Variants in DNAJC6 observed in about 807,000 individuals in gnomAD.
DNAJC6 encodes the protein auxilin.
A neutral mutation model predicts 110.0 loss-of-function variants in DNAJC6; 34 were observed. That is an observed-to-expected ratio of 0.31 (90% CI 0.24 to 0.41). DNAJC6 has a LOEUF of 0.41. Among genes scored for constraint, DNAJC6 ranks in the 10% least tolerant of loss-of-function variants. The probability of loss-of-function intolerance (pLI) is 1.00; values close to 1 mark genes in which losing one functional copy is unlikely to be tolerated. For missense variants in DNAJC6, 1,031 were observed against 1,207.8 expected, an observed-to-expected ratio of 0.85 and a Z score of 2.17; for synonymous variants, 406 against 437.2, an observed-to-expected ratio of 0.93 and a Z score of 0.89.
At chr1:65,349,103 AATAAATATGTAAATATATATATAT>A (rs1447205520) in intron 1 of DNAJC6, among the ~76,000 whole-genome samples, 18 of 107,544 alleles carry the variant, frequency 1.7e-4, no homozygotes, top group East Asian at 5.1e-4. Context: ...TATATATATA[AATAAATATGTAAATATATATATAT>A]AAATATATAT....
intron 1 of DNAJC6, among the ~76,000 whole-genome samples, chr1:65,284,385 G>A (rs74424353): frequency 0.027 from 4,185 of 152,286 alleles, 184 homozygotes; most frequent in African/African-American, 0.088. Context: ...GCTCCCCAGG[G>A]TAGGGATTTA....
intron 1 of DNAJC6, chr1:65,279,270 A>G: frequency 3.0e-6 from 2 of 661,098 alleles, no homozygotes. Flanking sequence ...TGTGAGATAA[A>G]TGGGAAAATC....
At chr1:65,357,835 T>C (rs997630357) in intron 1 of DNAJC6, among the ~76,000 whole-genome samples, 5 of 152,184 alleles carry the variant, frequency 3.3e-5, no homozygotes, top group Admixed American at 2.6e-4. Context: ...CAAACTTGAA[T>C]AGCATAGCAC....
chr1:65,301,744 C>T (rs1355694069), intron 1 of DNAJC6, among the ~76,000 whole-genome samples: 2 of 152,108 alleles, frequency 1.3e-5, no homozygotes, highest in South Asian at 4.2e-4. Context: ...TGTATGAAGA[C>T]TTCATTGGGT....
At chr1:65,305,912 A>G (rs1645032755), upstream of DNAJC6, among the ~76,000 whole-genome samples, 2 of 152,296 alleles carry the variant, frequency 1.3e-5, no homozygotes, top group South Asian at 4.1e-4. Context: ...AGCACTTATT[A>G]TATGTTAGGA....
chr1:65,393,581 T>C (rs551999193), intron 12 of DNAJC6, among the ~76,000 whole-genome samples: 11 of 152,292 alleles, frequency 7.2e-5, no homozygotes, highest in African/African-American at 2.6e-4. Flanking sequence ...GAGGCTCTGT[T>C]AGTTTCACTG....
chr1:65,411,853 C>T (rs1224429089), intron 18 of DNAJC6, among the ~76,000 whole-genome samples: 1 of 152,102 alleles, frequency 6.6e-6, no homozygotes, highest in African/African-American at 2.4e-5. Context: ...AGCCTGTAGT[C>T]TTAGCCACTC....
chr1:65,391,253 GAA>G (rs1399055397), intron 11 of DNAJC6, among the ~76,000 whole-genome samples: 1 of 152,124 alleles, frequency 6.6e-6, no homozygotes, highest in African/African-American at 2.4e-5. Context: ...TCCACCAACT[GAA>G]TTCATGCCAA....
intron 1 of DNAJC6, among the ~76,000 whole-genome samples, chr1:65,295,016 A>T (rs1489938677): frequency 1.3e-5 from 2 of 152,260 alleles, no homozygotes; most frequent in Non-Finnish European, 2.9e-5. Flanking sequence ...TATGTGTTAT[A>T]GAGAAGTAGG....
At chr1:65,303,511 T>G (rs1645008861) in intron 1 of DNAJC6, among the ~76,000 whole-genome samples, 1 of 152,294 alleles carries the variant, frequency 6.6e-6, no homozygotes, top group African/African-American at 2.4e-5. Context: ...ATGCAGTATT[T>G]AGGGCTTTAG....
At chr1:65,278,569 T>G (rs566226) in intron 1 of DNAJC6, among the ~76,000 whole-genome samples, 119,448 of 152,146 alleles carry the variant, frequency 0.79, 47,170 homozygotes, top group East Asian at 1. Flanking sequence ...TTAAACCAGT[T>G]TGTGAAAATT....
chr1:65,337,946 A>G (rs1645353354), intron 1 of DNAJC6, among the ~76,000 whole-genome samples: 1 of 152,176 alleles, frequency 6.6e-6, no homozygotes, highest in Admixed American at 6.5e-5. Flanking sequence ...GAATGCTTCT[A>G]ACACACTCAA....
chr1:65,288,503 C>G (rs1172817478), intron 1 of DNAJC6, among the ~76,000 whole-genome samples: 1 of 152,172 alleles, frequency 6.6e-6, no homozygotes, highest in African/African-American at 2.4e-5. Context: ...CAGAATCCTA[C>G]ATAATGATTT....
At position 65,401,559 on chromosome 1, in the gene DNAJC6, A is replaced by G. The variant is rs151302085; in HGVS notation, c.2108-202A>G. ...TTCACACTTGTGGCCTGGAAACAGC[A>G]TTTGTCTTTTCTGTGGTCTGTCCTT... On this transcript the variant is annotated intron_variant, in intron 14 of 18. Coordinates refer to ENST00000371069, the MANE Select transcript of DNAJC6 (RefSeq NM_001256864.2). Among the ~76,000 whole-genome samples the G allele has an allele frequency of 5.5e-3, 833 of 152,324 alleles. 5 individuals carry two copies. Among genetic ancestry groups the G allele is most frequent in the African/African-American group, 0.019 (802 of 41,568 alleles).
chr1:65,310,772 G>A (rs1645092102), intron 1 of DNAJC6, among the ~76,000 whole-genome samples: 1 of 152,160 alleles, frequency 6.6e-6, no homozygotes, highest in Admixed American at 6.5e-5. Context: ...GTTGGACTAG[G>A]AGTATTATTA....
intron 1 of DNAJC6, among the ~76,000 whole-genome samples, chr1:65,278,707 A>T (rs944455062): frequency 4.6e-5 from 7 of 152,206 alleles, no homozygotes; most frequent in Non-Finnish European, 1.0e-4. Flanking sequence ...AGAACCTCTG[A>T]TCAAGTTCAG....
intron 17 of DNAJC6, among the ~76,000 whole-genome samples, chr1:65,409,988 G>A (rs771844027): frequency 2.6e-5 from 4 of 152,120 alleles, no homozygotes; most frequent in African/African-American, 9.7e-5. Context: ...ATGGACAGGC[G>A]GATGCGGATT....
chr1:65,394,211 G>T (rs182482139), intron 12 of DNAJC6, among the ~76,000 whole-genome samples: 1 of 152,262 alleles, frequency 6.6e-6, no homozygotes, highest in African/African-American at 2.4e-5. Flanking sequence ...AGGGGCCTTA[G>T]ACATCAGTTA....
chr1:65,330,215 T>G (rs1395548415), intron 1 of DNAJC6, among the ~76,000 whole-genome samples: 1 of 152,210 alleles, frequency 6.6e-6, no homozygotes, highest in Non-Finnish European at 1.5e-5. Flanking sequence ...GTGCCTCCTA[T>G]TTTTGAAGCT....
Sources: gnomAD v4.1 joint callset for allele counts (sites outside exome capture counted in the v4.1 genomes callset) on GRCh38, gnomAD v4.1.1 for gene constraint, MANE v1.5 for transcripts, NCBI Gene and HGNC (gene_info 2026-07-23, HGNC 2026-07-21) for gene names.